Variants in CYB5D2 observed in about 807,000 individuals in gnomAD.
The protein encoded by CYB5D2 is neuferricin.
A neutral mutation model predicts 22.8 loss-of-function variants in CYB5D2; 23 were observed. That is an observed-to-expected ratio of 1.01 (90% CI 0.73 to 1.43). The LOEUF is 1.43. Among genes scored for constraint, CYB5D2 ranks in the 40% most tolerant of loss-of-function variants. The pLI, the probability that CYB5D2 is intolerant of heterozygous loss-of-function variation, is 0.00. For synonymous variants in CYB5D2, 170 were observed against 152.2 expected, an observed-to-expected ratio of 1.12 and a Z score of -0.86; for missense variants, 373 against 357.2, an observed-to-expected ratio of 1.04 and a Z score of -0.36.
chr17:4,150,768 C>T (rs1366224551), intron 2 of CYB5D2, among the ~76,000 whole-genome samples: 8 of 152,188 alleles, frequency 5.3e-5, no homozygotes, highest in Non-Finnish European at 1.0e-4. Flanking sequence ...CACCTGTACT[C>T]CCAGCTACTC....
intron 2 of CYB5D2, among the ~76,000 whole-genome samples, chr17:4,151,641 C>G (rs754336082): frequency 3.3e-4 from 50 of 151,538 alleles, no homozygotes; most frequent in Non-Finnish European, 1.6e-4. Context: ...GAGCCAAGAT[C>G]GCACCACTAC....
chr17:4,146,580 C>T (rs1051135126), intron 1 of CYB5D2, among the ~76,000 whole-genome samples: 4 of 151,934 alleles, frequency 2.6e-5, no homozygotes, highest in South Asian at 2.1e-4. Flanking sequence ...TTAGTAGAGA[C>T]GGGGTTTCAC....
intron 1 of CYB5D2, among the ~76,000 whole-genome samples, chr17:4,146,030 C>T (rs866614749): frequency 1.3e-5 from 2 of 152,312 alleles, no homozygotes; most frequent in African/African-American, 4.8e-5. Flanking sequence ...AACTCCTGAG[C>T]TCAAGTGATT....
chr17:4,149,521 C>T (rs1301732056), intron 1 of CYB5D2, among the ~76,000 whole-genome samples: 1 of 152,210 alleles, frequency 6.6e-6, no homozygotes, highest in Non-Finnish European at 1.5e-5. Context: ...AAAGCAGTTT[C>T]TGGCCAGGCG....
Position 4,143,864 on chromosome 17 carries a change from C to T in CYB5D2, c.109C>T (p.Leu37Phe), listed in dbSNP as rs866542205. The change falls in exon 1 of 4, where the codon CTT becomes TTT. Residue 37 changes from leucine to phenylalanine, a missense_variant. Leu to Phe is a conservative substitution (Grantham distance 22). Transcript: ENST00000301391. ...GTGGGGTCCCCGCGCTGGCTTTCGC[C>T]TTTTCATACCGGAGGAGCTGTCTCG... ...GWWGPRAGFR[L>F]FIPEELSRYR... The T allele has an allele frequency of 1.9e-6, 3 of 1,614,106 alleles. No homozygotes were observed. The highest frequency in any genetic ancestry group is 2.5e-6 in the Non-Finnish European group (3 of 1,180,022).
At chr17:4,154,266 TG>T (rs1390136423) in intron 2 of CYB5D2, among the ~76,000 whole-genome samples, 1 of 152,174 alleles carries the variant, frequency 6.6e-6, no homozygotes, top group African/African-American at 2.4e-5. Context: ...GTCAACAGAG[TG>T]AGACCCCATC....
chr17:4,143,614 T>C lies in CYB5D2; in HGVS notation c.-142T>C. 2 of 1,201,082 alleles carry C rather than the reference T, an allele frequency of 1.7e-6. No individual in the cohort carries two copies. Among genetic ancestry groups the C allele is most frequent in the African/African-American group, 3.1e-5 (2 of 64,524 alleles). The allele number at this position is 1,201,082 out of a possible 1,614,324, so 74.4% of individuals were successfully genotyped here. A position where few individuals can be genotyped will look rare whatever the true frequency, so the allele number is the denominator to read the frequency against. The stretch of plus-strand genomic sequence containing the variant: ...GGAATACAGATAAAACGAGAGAGAC[T>C]AAGGGAGGGAGCGCGAGCACTAGCG... On this transcript the variant is annotated 5_prime_UTR_variant, in exon 1 of 4. Transcript: ENST00000301391.
intron 2 of CYB5D2, among the ~76,000 whole-genome samples, chr17:4,151,962 C>T (rs957198778): frequency 1.3e-5 from 2 of 150,744 alleles, no homozygotes; most frequent in African/African-American, 4.9e-5. Context: ...GCCGAGATCA[C>T]ATCACTGCAT....
At position 4,149,960 on chromosome 17, in the gene CYB5D2, A is replaced by T. The variant is rs180873288; in HGVS notation, c.320A>T (p.Asp107Val). The change falls in exon 2 of 4, where the codon GAC (aspartate) becomes GTC (valine). Residue 107 changes from aspartate to valine, a missense_variant. Coordinates refer to ENST00000301391, the MANE Select transcript of CYB5D2 (RefSeq NM_144611.4). ...SEAGLVDDVS[D>V]LSAAEMLTLH... The stretch of plus-strand genomic sequence containing the variant: ...GCAGGCCTCGTGGATGACGTATCCG[A>T]CCTGTCAGCCGCTGAGATGCTGACA... 7 of 1,614,152 alleles carry T rather than the reference A, an allele frequency of 4.3e-6. No individual in the cohort carries two copies. In the East Asian group the frequency reaches 1.1e-4, roughly 26 times the overall value.
chr17:4,143,850 G>A lies in CYB5D2; in HGVS notation c.95G>A (p.Arg32His). The change falls in exon 1 of 4, where the codon CGC (arginine) becomes CAC (histidine). Residue 32 changes from arginine (R) to histidine (H), a missense_variant. Coordinates refer to ENST00000301391, the MANE Select transcript of CYB5D2 (RefSeq NM_144611.4). ...AARLMGWWGPRAGFRLFIPEE... is the reference protein window; with the variant it reads ...AARLMGWWGPHAGFRLFIPEE... ...CGGCTTATGGGCTGGTGGGGTCCCCGCGCTGGCTTTCGCCTTTTCATACCG... is the reference window on the plus strand; with the variant it reads ...CGGCTTATGGGCTGGTGGGGTCCCCACGCTGGCTTTCGCCTTTTCATACCG... The A allele has an allele frequency of 6.2e-7, 1 of 1,614,108 alleles. No individual in the cohort carries two copies. Among genetic ancestry groups the A allele is most frequent in the Non-Finnish European group, 8.5e-7 (1 of 1,180,012 alleles).
In CYB5D2 at chr17:4,143,780, C is replaced by G. The variant is rs2058930291; in HGVS notation, c.25C>G (p.Leu9Val). ...GATGTTGAGGTGCGGAGGCCGTGGG[C>G]TTTTGTTGGGCCTGGCTGTAGCCGC... MLRCGGRG[L>V]LLGLAVAAAA... Residue 9 changes from leucine to valine, a missense_variant, in exon 1 of 4, where the codon CTT becomes GTT. Coordinates refer to ENST00000301391, the MANE Select transcript of CYB5D2 (RefSeq NM_144611.4). 6.2e-7 allele frequency: 1 copy of G among 1,613,812 alleles called. No individual in the cohort carries two copies.
chr17:4,155,061 C>G (rs1039861239), intron 3 of CYB5D2, among the ~76,000 whole-genome samples: 1 of 152,224 alleles, frequency 6.6e-6, no homozygotes, highest in Non-Finnish European at 1.5e-5. Context: ...AGACCTCACT[C>G]CACTCAACTG....
chr17:4,152,247 C>T (rs777543531), intron 2 of CYB5D2, among the ~76,000 whole-genome samples: 51 of 152,238 alleles, frequency 3.4e-4, no homozygotes, highest in African/African-American at 1.2e-3. Context: ...TCATAAGTTA[C>T]GGGTTCCATC....
At chr17:4,149,664 T>TGGC (rs1232870902) in intron 1 of CYB5D2, among the ~76,000 whole-genome samples, 1 of 152,132 alleles carries the variant, frequency 6.6e-6, no homozygotes, top group Non-Finnish European at 1.5e-5. Context: ...CCAGGCGTGG[T>TGGC]GGCGGGCGCC....
Position 4,143,616 on chromosome 17 carries a change from A to G in CYB5D2, c.-140A>G. On this transcript the variant is annotated 5_prime_UTR_variant, in exon 1 of 4. Transcript: ENST00000301391. ...AATACAGATAAAACGAGAGAGACTA[A>G]GGGAGGGAGCGCGAGCACTAGCGCG... 1 of 1,218,656 alleles carries G rather than the reference A, an allele frequency of 8.2e-7. No homozygotes were observed. The highest frequency in any genetic ancestry group is 2.3e-5 in the Admixed American group (1 of 42,642). 75.5% of individuals were successfully genotyped at this position (1,218,656 alleles called of 1,614,324 possible).
chr17:4,152,728 T>C (rs1273694267), intron 2 of CYB5D2, among the ~76,000 whole-genome samples: 1 of 152,236 alleles, frequency 6.6e-6, no homozygotes, highest in Admixed American at 6.5e-5. Context: ...TTCCTTTCTT[T>C]ATTCATCTAA....
At chr17:4,155,551 T>C (rs947101650) in intron 3 of CYB5D2, among the ~76,000 whole-genome samples, 4 of 152,322 alleles carry the variant, frequency 2.6e-5, no homozygotes, top group Non-Finnish European at 5.9e-5. Context: ...TCCTGGCCGC[T>C]AGCTTTGAAG....
At chr17:4,149,118 T>G (rs2059025742) in intron 1 of CYB5D2, among the ~76,000 whole-genome samples, 1 of 152,168 alleles carries the variant, frequency 6.6e-6, no homozygotes, top group African/African-American at 2.4e-5. Flanking sequence ...GTGTGAACAT[T>G]TTGATCTTGT....
intron 1 of CYB5D2, among the ~76,000 whole-genome samples, chr17:4,144,265 C>T (rs2058950362): frequency 6.6e-6 from 1 of 152,134 alleles, no homozygotes; most frequent in Non-Finnish European, 1.5e-5. Flanking sequence ...TCTCTTGTTA[C>T]CCATTACCCA....
Sources: gnomAD v4.1 joint callset for allele counts (sites outside exome capture counted in the v4.1 genomes callset) on GRCh38, gnomAD v4.1.1 for gene constraint, MANE v1.5 for transcripts, NCBI Gene and HGNC (gene_info 2026-07-23, HGNC 2026-07-21) for gene names.